The following RIMS2 variants were observed in gnomAD, a reference collection of about 807,000 sequenced individuals.
RIMS2 encodes regulating synaptic membrane exocytosis protein 2.
RIMS2 carries 59 observed loss-of-function variants against 174.4 expected under a neutral mutation model. The ratio of observed to expected loss-of-function variants is 0.34; its 90% CI spans 0.27 to 0.42. The LOEUF is 0.42. Among genes scored for constraint, RIMS2 ranks in the 10% least tolerant of loss-of-function variants. RIMS2 has a pLI of 1.00. For synonymous variants in RIMS2, 606 were observed against 572.5 expected (o/e 1.06, Z -0.84); for missense variants, 1,620 against 1,666.3 (o/e 0.97, Z 0.48).
chr8:104,172,361 T>A lies in RIMS2; in HGVS notation c.3335-72555T>A, dbSNP rs77794184. On this transcript the variant is annotated intron_variant, in intron 19 of 23. Transcript: ENST00000504942. The stretch of plus-strand genomic sequence containing the variant: ...CATGGTAGAAATGGGAGGTACCAAC[T>A]GTAAAGAAACAAAAAAAAAGCTCTA... Among the ~76,000 whole-genome samples, 14 of 152,206 alleles carry A rather than the reference T, an allele frequency of 9.2e-5. No homozygotes were observed. The East Asian group carries it at 2.5e-3, about 27-fold the overall frequency.
intron 1 of RIMS2, among the ~76,000 whole-genome samples, chr8:103,580,173 G>A (rs1175581409): frequency 6.6e-6 from 1 of 152,036 alleles, no homozygotes; most frequent in Non-Finnish European, 1.5e-5. Flanking sequence ...ATTGGCAGTA[G>A]TAAGTCCTTA....
chr8:104,237,692 C>T (rs965017578), intron 19 of RIMS2, among the ~76,000 whole-genome samples: 3 of 151,906 alleles, frequency 2.0e-5, no homozygotes, highest in African/African-American at 7.2e-5. Context: ...TGTTAAAGTC[C>T]GAAACAATTT....
chr8:104,052,285 A>G (rs959912498), intron 19 of RIMS2, among the ~76,000 whole-genome samples: 1 of 152,206 alleles, frequency 6.6e-6, no homozygotes, highest in Non-Finnish European at 1.5e-5. Context: ...TATTGAAAAT[A>G]TAGAAAATTA....
rs1290014753 is a variant in RIMS2 at position 104,054,243 on chromosome 8, A to G, written c.3334+39628A>G. Among the ~76,000 whole-genome samples the G allele has an allele frequency of 2.0e-5, 3 of 152,104 alleles. No individual in the cohort carries two copies. The East Asian group carries it at 5.8e-4, about 29-fold the overall frequency. On this transcript the variant is annotated intron_variant, in intron 19 of 23. Transcript: ENST00000504942. Reference sequence around the variant, plus strand: ...AACACTTTATGAGATTTTCCTATTCATGAAACATTTAGGATACATTCCTTT... The same window carrying G: ...AACACTTTATGAGATTTTCCTATTCGTGAAACATTTAGGATACATTCCTTT...
intron 3 of RIMS2, among the ~76,000 whole-genome samples, chr8:103,864,405 T>G (rs946214384): frequency 3.9e-5 from 6 of 152,172 alleles, no homozygotes; most frequent in Admixed American, 6.5e-5. Context: ...AAAAGTTGAT[T>G]TCTGTGTTAA....
Position 103,815,731 on chromosome 8 carries a change from A to T in RIMS2, c.698+49194A>T, listed in dbSNP as rs189409631. ...AATATTTGTCAAATGAATAAGCATG[A>T]TAAATAAAAGATACATGAACATAAT... On this transcript the variant is annotated intron_variant, in intron 3 of 23. Coordinates refer to ENST00000504942, the Ensembl canonical transcript of RIMS2. Among the ~76,000 whole-genome samples the T allele has an allele frequency of 2.3e-3, 351 of 152,340 alleles. 3 individuals are homozygous for T. Among genetic ancestry groups the T allele is most frequent in the Non-Finnish European group, 3.7e-3 (254 of 68,016 alleles).
At chr8:103,957,327 A>G (rs753975154) in intron 14 of RIMS2, among the ~76,000 whole-genome samples, 1 of 152,228 alleles carries the variant, frequency 6.6e-6, no homozygotes, top group South Asian at 2.1e-4. Flanking sequence ...ACTGTTCACA[A>G]TAGCAAAGAC....
intron 19 of RIMS2, chr8:104,094,463 T>C: frequency 1.7e-6 from 1 of 594,020 alleles, no homozygotes; most frequent in Non-Finnish European, 3.0e-6. Context: ...CTTCAATTTC[T>C]GTTGCTTTCA....
intron 19 of RIMS2, among the ~76,000 whole-genome samples, chr8:104,190,169 G>A (rs1156855828): frequency 3.3e-5 from 5 of 152,062 alleles, no homozygotes. Flanking sequence ...GGATGTGGTG[G>A]TACATGGCTG....
intron 19 of RIMS2, among the ~76,000 whole-genome samples, chr8:104,216,771 A>T (rs2138159024): frequency 6.6e-6 from 1 of 152,340 alleles, no homozygotes; most frequent in South Asian, 2.1e-4. Context: ...CGTGAGCTTC[A>T]TGAAGGTAGA....
At chr8:104,089,773 C>T (rs185520552) in intron 19 of RIMS2, among the ~76,000 whole-genome samples, 1 of 151,822 alleles carries the variant, frequency 6.6e-6, no homozygotes, top group African/African-American at 2.4e-5. Context: ...TATTTAATGA[C>T]CTTCTGCTTT....
chr8:103,692,111 G>A (rs745363669), intron 1 of RIMS2, among the ~76,000 whole-genome samples: 2 of 152,036 alleles, frequency 1.3e-5, no homozygotes, highest in Non-Finnish European at 2.9e-5. Context: ...AGTGACACAA[G>A]TACCCCTGTG....
At chr8:103,874,204 T>G (rs2099125115) in intron 3 of RIMS2, among the ~76,000 whole-genome samples, 1 of 152,048 alleles carries the variant, frequency 6.6e-6, no homozygotes, top group Non-Finnish European at 1.5e-5. Flanking sequence ...CATGAAACAA[T>G]AAATCTATGT....
chr8:104,181,784 T>C (rs1367224378), intron 19 of RIMS2, among the ~76,000 whole-genome samples: 1 of 151,748 alleles, frequency 6.6e-6, no homozygotes, highest in African/African-American at 2.4e-5. Flanking sequence ...AATCTTTGGG[T>C]AACATTTGTT....
rs2098768218 is a variant in RIMS2 at position 104,162,374 on chromosome 8, A to C, written c.3335-82542A>C. On this transcript the variant is annotated intron_variant, in intron 19 of 23. Transcript: ENST00000504942. ...ATTTAAGCTTTTTTTCTAATATAAA[A>C]TTTAGAAGAATTTATCAGTCATTAA... Among the ~76,000 whole-genome samples, 3 of 152,166 alleles carry C rather than the reference A, an allele frequency of 2.0e-5. No homozygotes were observed. In the South Asian group the frequency reaches 6.2e-4, roughly 32 times the overall value.
intron 3 of RIMS2, among the ~76,000 whole-genome samples, chr8:103,784,561 C>G (rs1412272701): frequency 1.5e-5 from 1 of 67,338 alleles, no homozygotes; most frequent in Non-Finnish European, 2.9e-5. Flanking sequence ...TCAGGTTTGT[C>G]AAAGATCAGA....
chr8:103,906,610 T>C (rs1594905223), intron 4 of RIMS2, among the ~76,000 whole-genome samples: 1 of 152,342 alleles, frequency 6.6e-6, no homozygotes, highest in Non-Finnish European at 1.5e-5. Context: ...AAACAGCTTA[T>C]GTTTTTTTAT....
chr8:103,713,533 A>C (rs918027888), intron 2 of RIMS2, among the ~76,000 whole-genome samples: 4 of 152,232 alleles, frequency 2.6e-5, no homozygotes, highest in African/African-American at 4.8e-5. Flanking sequence ...TCCTTTCCCC[A>C]AATTTTTTTG....
intron 19 of RIMS2, among the ~76,000 whole-genome samples, chr8:104,170,606 C>T (rs931778433): frequency 1.3e-5 from 2 of 151,996 alleles, no homozygotes; most frequent in African/African-American, 4.8e-5. Context: ...GGTTTTTTAT[C>T]CATTCTACCA....
Sources: allele counts gnomAD v4.1 joint callset (sites outside exome capture counted in the v4.1 genomes callset), GRCh38; gene constraint gnomAD v4.1.1; transcripts MANE v1.5; gene names NCBI Gene and HGNC (gene_info 2026-07-23, HGNC 2026-07-21).